TAX1BP1: variants seen among roughly 807,000 people sequenced by gnomAD.
TAX1BP1 encodes the protein Tax1 binding protein 1.
A neutral mutation model predicts 97.7 loss-of-function variants in TAX1BP1; 62 were observed. The observed-to-expected ratio is 0.63, with a 90% CI of 0.52 to 0.78. TAX1BP1 has a LOEUF of 0.78. Among genes scored for constraint, TAX1BP1 ranks in the 30% least tolerant of loss-of-function variants. The probability of loss-of-function intolerance (pLI) is 0.00; values close to 1 mark genes in which losing one functional copy is unlikely to be tolerated. For missense variants in TAX1BP1, 867 were observed against 916.1 expected (o/e 0.95, Z 0.69); for synonymous variants, 340 against 304.2 (o/e 1.12, Z -1.23).
At position 27,790,615 on chromosome 7, in the gene TAX1BP1, T is replaced by A. The variant is rs2128317555; in HGVS notation, c.1039-1391T>A. ...GTAGACATTTTAGGTTCTTAATGAT[T>A]TTTCATTATTTTAGTATTTTATTGA... On this transcript the variant is annotated intron_variant, in intron 8 of 16. Coordinates refer to ENST00000396319, the MANE Select transcript of TAX1BP1 (RefSeq NM_006024.7). 2.0e-5 allele frequency among the ~76,000 whole-genome samples: 3 copies of A among 152,204 alleles called. No individual in the cohort carries two copies. In the South Asian group the frequency reaches 6.2e-4, roughly 32 times the overall value.
chr7:27,751,876 C>A (rs1788033458), intron 2 of TAX1BP1, among the ~76,000 whole-genome samples: 1 of 152,072 alleles, frequency 6.6e-6, no homozygotes, highest in Non-Finnish European at 1.5e-5. Context: ...TGGTCTCGAA[C>A]TCCTGGGCTC....
chr7:27,742,500 T>C (rs369599007), intron 1 of TAX1BP1, among the ~76,000 whole-genome samples: 1,564 of 150,412 alleles, frequency 0.01, 23 homozygotes, highest in African/African-American at 0.035. Flanking sequence ...GGTAAGGTCA[T>C]AGATTAACAG....
chr7:27,754,149 T>G (rs1788121203), intron 2 of TAX1BP1, among the ~76,000 whole-genome samples: 1 of 152,162 alleles, frequency 6.6e-6, no homozygotes, highest in African/African-American at 2.4e-5. Context: ...TGCATCCTGC[T>G]GTCAAGCACA....
chr7:27,760,395 ATT>A (rs34019058), intron 3 of TAX1BP1, among the ~76,000 whole-genome samples: 3 of 143,540 alleles, frequency 2.1e-5, no homozygotes, highest in South Asian at 2.2e-4. Flanking sequence ...TTATTTTAGA[ATT>A]TTTTTTTTTT....
At chr7:27,826,435 C>CT (rs1002753554) in intron 15 of TAX1BP1, among the ~76,000 whole-genome samples, 1 of 152,112 alleles carries the variant, frequency 6.6e-6, no homozygotes, top group Non-Finnish European at 1.5e-5. Context: ...ACCATATATA[C>CT]TTTTTTTGGT....
chr7:27,770,309 CA>C (rs1788795334), intron 5 of TAX1BP1, among the ~76,000 whole-genome samples: 1 of 151,902 alleles, frequency 6.6e-6, no homozygotes, highest in Admixed American at 6.6e-5. Flanking sequence ...TTAAAATTGG[CA>C]GAATTTCTTG....
intron 5 of TAX1BP1, among the ~76,000 whole-genome samples, chr7:27,773,445 G>A (rs915591190): frequency 5.9e-5 from 9 of 151,928 alleles, no homozygotes; most frequent in African/African-American, 1.5e-4. Context: ...TTACTCTACC[G>A]TTTACCTTCT....
intron 13 of TAX1BP1, among the ~76,000 whole-genome samples, chr7:27,810,170 G>A (rs1043545751): frequency 2.0e-5 from 3 of 150,522 alleles, no homozygotes; most frequent in African/African-American, 7.3e-5. Flanking sequence ...GCCTCCCGAA[G>A]TGCTGGGATT....
chr7:27,755,266 CACTT>C (rs1239276961), intron 2 of TAX1BP1, among the ~76,000 whole-genome samples: 1 of 152,138 alleles, frequency 6.6e-6, no homozygotes, highest in Non-Finnish European at 1.5e-5. Context: ...CGTTTTTCCT[CACTT>C]AATTATATTT....
intron 5 of TAX1BP1, among the ~76,000 whole-genome samples, chr7:27,777,485 C>G (rs75166313): frequency 0.013 from 1,998 of 152,286 alleles, 16 homozygotes; most frequent in Middle Eastern, 0.044. Flanking sequence ...GGAATAACCA[C>G]TATTCCTGGC....
intron 2 of TAX1BP1, among the ~76,000 whole-genome samples, chr7:27,751,984 A>C (rs1182598361): frequency 1.3e-5 from 2 of 152,090 alleles, no homozygotes; most frequent in African/African-American, 2.4e-5. Flanking sequence ...TGAATGGGAA[A>C]AGTTAGTTTG....
intron 8 of TAX1BP1, among the ~76,000 whole-genome samples, chr7:27,790,176 A>T (rs976918675): frequency 3.3e-5 from 5 of 151,934 alleles, no homozygotes; most frequent in African/African-American, 1.2e-4. Flanking sequence ...TTTTCCTTTT[A>T]AAAAAATTTA....
chr7:27,785,973 A>G (rs867003372), intron 7 of TAX1BP1, among the ~76,000 whole-genome samples: 1 of 152,064 alleles, frequency 6.6e-6, no homozygotes, highest in Non-Finnish European at 1.5e-5. Flanking sequence ...TCATGTAACT[A>G]TTTTTCCTTT....
intron 1 of TAX1BP1, among the ~76,000 whole-genome samples, chr7:27,747,887 C>T (rs1362429313): frequency 6.6e-6 from 1 of 151,826 alleles, no homozygotes; most frequent in African/African-American, 2.4e-5. Flanking sequence ...TTAAAGGCCC[C>T]TAATGATTCT....
chr7:27,768,842 A>G (rs1788738458), intron 4 of TAX1BP1, among the ~76,000 whole-genome samples: 1 of 152,004 alleles, frequency 6.6e-6, no homozygotes, highest in South Asian at 2.1e-4. Flanking sequence ...GTTTGATTTC[A>G]TAATCCCATG....
rs531316655 is a variant in TAX1BP1 at position 27,763,436 on chromosome 7, A to G, written c.266-2398A>G. ...CAAATGGTTTTGAACCATATTTTTT[A>G]GCAGTTTATTTTAGTGAAGTTTTTG... On this transcript the variant is annotated intron_variant, in intron 3 of 16. Coordinates refer to ENST00000396319, the MANE Select transcript of TAX1BP1 (RefSeq NM_006024.7). Among the ~76,000 whole-genome samples, 6 of 152,228 alleles carry G rather than the reference A, an allele frequency of 3.9e-5. No individual in the cohort carries two copies. The East Asian group carries it at 9.7e-4, about 24-fold the overall frequency.
chr7:27,740,803 C>G (rs537100507), intron 1 of TAX1BP1, among the ~76,000 whole-genome samples: 15 of 152,200 alleles, frequency 9.9e-5, no homozygotes, highest in South Asian at 4.1e-4. Context: ...GGGGCGGAGA[C>G]TCCCTGCGCC....
At chr7:27,817,206 CTG>C (rs1790804854) in intron 15 of TAX1BP1, among the ~76,000 whole-genome samples, 168 bp downstream of exon 15, 1 of 152,124 alleles carries the variant, frequency 6.6e-6, no homozygotes, top group African/African-American at 2.4e-5. Flanking sequence ...TTTTTGAAAA[CTG>C]TGCTTGTATT....
In TAX1BP1 at chr7:27,785,391, T is replaced by G; in HGVS notation, c.762-8T>G. 6.2e-7 allele frequency: 1 copy of G among 1,606,868 alleles called. No homozygotes were observed. The highest frequency in any genetic ancestry group is 8.5e-7 in the Non-Finnish European group (1 of 1,177,160). On this transcript the variant is annotated splice_polypyrimidine_tract_variant and splice_region_variant and intron_variant, in intron 6 of 16. Coordinates refer to ENST00000396319, the MANE Select transcript of TAX1BP1 (RefSeq NM_006024.7). ...CATTATAATGTTACTTTATCATACC[T>G]ATCTTAGTTTAAAGGACAAACTCAA...
Sources: allele counts gnomAD v4.1 joint callset (sites outside exome capture counted in the v4.1 genomes callset), GRCh38; gene constraint gnomAD v4.1.1; transcripts MANE v1.5; gene names NCBI Gene and HGNC (gene_info 2026-07-23, HGNC 2026-07-21).